Variants in SPATS2L observed in about 807,000 individuals in gnomAD.
SPATS2L encodes the protein SPATS2-like protein.
A neutral mutation model predicts 59.6 loss-of-function variants in SPATS2L; 30 were observed. That is an observed-to-expected ratio of 0.50 (90% CI 0.38 to 0.68). The LOEUF (loss-of-function observed/expected upper bound fraction) is 0.68, where lower values mean the gene tolerates loss of function less well. Among genes scored for constraint, SPATS2L ranks in the 30% least tolerant of loss-of-function variants. The pLI, the probability that SPATS2L is intolerant of heterozygous loss-of-function variation, is 0.00. For missense variants in SPATS2L, 615 were observed against 700.0 expected (o/e 0.88, Z 1.37); for synonymous variants, 252 against 263.5 (o/e 0.96, Z 0.42).
chr2:200,472,694 C>T, intron 11 of SPATS2L, 138 bp from the exon 12 acceptor site: 3 of 725,250 alleles, frequency 4.1e-6, no homozygotes, highest in South Asian at 1.9e-5. Flanking sequence ...TTTCAAATAA[C>T]ATCTTTCAAA....
intron 2 of SPATS2L, among the ~76,000 whole-genome samples, chr2:200,383,530 A>G (rs1023758850): frequency 6.6e-6 from 1 of 152,048 alleles, no homozygotes; most frequent in African/African-American, 2.4e-5. Flanking sequence ...TTCCATCACA[A>G]CTTCCCCACA....
chr2:200,435,015 A>C (rs537483259), intron 6 of SPATS2L, among the ~76,000 whole-genome samples: 2 of 152,282 alleles, frequency 1.3e-5, no homozygotes, highest in Non-Finnish European at 2.9e-5. Flanking sequence ...ATAGTCAGTT[A>C]ATGTTTATCA....
At chr2:200,425,928 G>A (rs895948485) in intron 6 of SPATS2L, among the ~76,000 whole-genome samples, 3 of 152,120 alleles carry the variant, frequency 2.0e-5, no homozygotes, top group East Asian at 1.9e-4. Flanking sequence ...CCACTGTGAC[G>A]TAAGTGTCTG....
intron 1 of SPATS2L, among the ~76,000 whole-genome samples, chr2:200,326,680 GTATA>G (rs1197687885): frequency 6.6e-6 from 1 of 151,998 alleles, no homozygotes; most frequent in African/African-American, 2.4e-5. Context: ...AGTAAAGACA[GTATA>G]TCTGCTACCT....
intron 8 of SPATS2L, among the ~76,000 whole-genome samples, chr2:200,454,571 TA>T (rs201560467): frequency 0.034 from 5,138 of 152,326 alleles, 131 homozygotes; most frequent in Admixed American, 0.067. Context: ...TCTCTGTGAT[TA>T]ACTATATAAT....
intron 1 of SPATS2L, among the ~76,000 whole-genome samples, chr2:200,310,640 T>C (rs1191272093): frequency 6.6e-6 from 1 of 152,200 alleles, no homozygotes; most frequent in Non-Finnish European, 1.5e-5. Context: ...TTCCATGGCC[T>C]CCCCCATTGC....
chr2:200,464,359 T>G (rs1384300164), intron 9 of SPATS2L, among the ~76,000 whole-genome samples: 1 of 152,252 alleles, frequency 6.6e-6, no homozygotes, highest in Admixed American at 6.5e-5. Flanking sequence ...TCCAAAGTAT[T>G]TGTTTCCATG....
intron 8 of SPATS2L, among the ~76,000 whole-genome samples, chr2:200,446,326 C>G (rs2085040755): frequency 6.6e-6 from 1 of 152,150 alleles, no homozygotes; most frequent in Non-Finnish European, 1.5e-5. Flanking sequence ...CAGAGTGAGA[C>G]CCTGTCTCAA....
intron 3 of SPATS2L, among the ~76,000 whole-genome samples, chr2:200,397,503 TA>T (rs892586455): frequency 6.6e-6 from 1 of 152,156 alleles, no homozygotes; most frequent in Non-Finnish European, 1.5e-5. Context: ...GATAGATGCA[TA>T]AACTCAGACC....
chr2:200,468,347 TACACAC>T (rs141831238), intron 10 of SPATS2L, among the ~76,000 whole-genome samples: 1 of 110,080 alleles, frequency 9.1e-6, no homozygotes, highest in Non-Finnish European at 1.9e-5. Flanking sequence ...CCCAGTATAC[TACACAC>T]ACACACACAC....
At chr2:200,399,834 C>G (rs2082468498) in intron 3 of SPATS2L, among the ~76,000 whole-genome samples, 1 of 152,156 alleles carries the variant, frequency 6.6e-6, no homozygotes, top group South Asian at 2.1e-4. Context: ...TAGAGATTAA[C>G]CCAACTCCCT....
chr2:200,322,671 A>G (rs1031216967), intron 1 of SPATS2L, among the ~76,000 whole-genome samples: 1 of 152,196 alleles, frequency 6.6e-6, no homozygotes, highest in Non-Finnish European at 1.5e-5. Flanking sequence ...AAAAATGCAT[A>G]ATTAATGTGA....
chr2:200,436,844 A>G (rs1014586344), intron 6 of SPATS2L, among the ~76,000 whole-genome samples: 6 of 152,126 alleles, frequency 3.9e-5, no homozygotes, highest in South Asian at 2.1e-4. Flanking sequence ...GTGATTCCCA[A>G]TGTCAAAGGT....
At chr2:200,336,997 A>G (rs2105810143) in intron 2 of SPATS2L, among the ~76,000 whole-genome samples, 1 of 152,348 alleles carries the variant, frequency 6.6e-6, no homozygotes, top group South Asian at 2.1e-4. Context: ...CAGATATGGT[A>G]ATAACGATCA....
At chr2:200,408,979 G>A (rs943480954) in intron 3 of SPATS2L, among the ~76,000 whole-genome samples, 9 of 152,252 alleles carry the variant, frequency 5.9e-5, no homozygotes, top group Non-Finnish European at 1.0e-4. Context: ...TAAATGAACC[G>A]CTAACTAGCC....
chr2:200,473,047 A>G lies in SPATS2L; in HGVS notation c.1276A>G (p.Lys426Glu). 6.2e-7 allele frequency: 1 copy of G among 1,612,418 alleles called. No individual in the cohort carries two copies. Among genetic ancestry groups the G allele is most frequent in the South Asian group, 1.1e-5 (1 of 90,906 alleles). The change falls in exon 12 of 13, where the codon AAG becomes GAG. Residue 426 changes from lysine (K) to glutamate (E), a missense_variant. Physicochemically the swap from Lys to Glu is moderately conservative, Grantham distance 56. Around this residue, in one of 3 missense-constraint regions of SPATS2L, gnomAD observed 284 missense variants for 280.1 expected, o/e 1.01. Coordinates refer to ENST00000409140, the MANE Select transcript of SPATS2L (RefSeq NM_001100423.2). ...CTCTCACCAGACCATGCCGGCCAAC[A>G]AGCAGGTAAGCCGACACTGGTGCAG... ...DPSHQTMPAN[K>E]QNGSSNQRRR...
intron 2 of SPATS2L, among the ~76,000 whole-genome samples, chr2:200,373,635 G>C (rs1479854875): frequency 6.6e-6 from 1 of 152,122 alleles, no homozygotes; most frequent in East Asian, 1.9e-4. Context: ...TCATCTCACA[G>C]GATGTAAAAT....
chr2:200,360,067 G>A (rs1290749332), intron 2 of SPATS2L, among the ~76,000 whole-genome samples: 1 of 152,052 alleles, frequency 6.6e-6, no homozygotes, highest in Non-Finnish European at 1.5e-5. Flanking sequence ...TATTAATACA[G>A]AAGCACATGT....
At chr2:200,325,469 C>T (rs1259911870) in intron 1 of SPATS2L, among the ~76,000 whole-genome samples, 4 of 152,292 alleles carry the variant, frequency 2.6e-5, no homozygotes, top group Middle Eastern at 3.4e-3. Context: ...ACCTCTGCCT[C>T]CCGGGTTCAA....
Sources: allele counts gnomAD v4.1 joint callset (sites outside exome capture counted in the v4.1 genomes callset), GRCh38; gene constraint gnomAD v4.1.1; regional missense constraint gnomAD v4.1.1; transcripts MANE v1.5; gene names NCBI Gene and HGNC (gene_info 2026-07-23, HGNC 2026-07-21).